HIRA: variants seen among roughly 807,000 people sequenced by gnomAD.
The protein encoded by HIRA is histone cell cycle regulator.
A neutral mutation model predicts 126.6 loss-of-function variants in HIRA; 13 were observed. The observed-to-expected ratio is 0.10, with a 90% CI of 0.07 to 0.16. The LOEUF (loss-of-function observed/expected upper bound fraction) is 0.16. Among genes scored for constraint, HIRA ranks in the 10% least tolerant of loss-of-function variants. The pLI, the probability that HIRA is intolerant of heterozygous loss-of-function variation, is 1.00. For synonymous variants in HIRA, 511 were observed against 520.0 expected (o/e 0.98, Z 0.24); for missense variants, 834 against 1,314.4 (o/e 0.63, Z 5.65).
intron 9 of HIRA, among the ~76,000 whole-genome samples, chr22:19,389,167 T>G (rs1490015305): frequency 6.6e-6 from 1 of 152,238 alleles, no homozygotes; most frequent in African/African-American, 2.4e-5. Flanking sequence ...AGAATTTATT[T>G]TATTCTTCAT....
rs952059563 is a variant in HIRA, at chr22:19,408,390, G to A, written c.211+93C>T. ...CAGCAGGCCGAGGGGAGTTACCGCC[G>A]CACGGGGCCTTATCTTTCTAATTAC... On this transcript the variant is annotated intron_variant, in intron 3 of 24. Coordinates refer to ENST00000263208, the MANE Select transcript of HIRA (RefSeq NM_003325.4). 7 of 787,894 alleles carry A rather than the reference G, an allele frequency of 8.9e-6. No homozygotes were observed. In the Admixed American group the frequency reaches 9.3e-5, roughly 10 times the overall value. The allele number at this position is 787,894 out of a possible 1,614,324, so 48.8% of individuals were successfully genotyped here.
chr22:19,422,169 T>TATACAC (rs775789656), intron 1 of HIRA, among the ~76,000 whole-genome samples: 1 of 111,584 alleles, frequency 9.0e-6, no homozygotes, highest in Non-Finnish European at 2.1e-5. Flanking sequence ...TGTGTTTATA[T>TATACAC]ATACACACAC....
rs782296692 is a variant in HIRA at position 19,340,558 on chromosome 22, G to A, written c.2938-9002C>T. ...AAAGAAATAAAGGGCATCCAAATAT[G>A]TAAAGGGGAAGTCAAAATATCGCTG... On this transcript the variant is annotated intron_variant, in intron 24 of 24. Transcript: ENST00000263208. Among the ~76,000 whole-genome samples, 17 of 152,218 alleles carry A rather than the reference G, an allele frequency of 1.1e-4. No individual in the cohort carries two copies. In the South Asian group the frequency reaches 2.9e-3, roughly 26 times the overall value.
At chr22:19,347,997 C>T (rs568681800) in intron 24 of HIRA, among the ~76,000 whole-genome samples, 1 of 152,178 alleles carries the variant, frequency 6.6e-6, no homozygotes, top group Admixed American at 6.5e-5. Context: ...ATAGCAGGGG[C>T]TAGGGCCCTG....
chr22:19,377,656 ACT>A (rs1209079163), intron 14 of HIRA, among the ~76,000 whole-genome samples: 2 of 152,014 alleles, frequency 1.3e-5, no homozygotes, highest in African/African-American at 2.4e-5. Flanking sequence ...GCCTTGATAC[ACT>A]CTGTGAAATC....
At chr22:19,343,485 C>T (rs1489483281) in intron 24 of HIRA, among the ~76,000 whole-genome samples, 1 of 152,094 alleles carries the variant, frequency 6.6e-6, no homozygotes. Context: ...CCCACTTGAG[C>T]CTGGGAGGTG....
intron 8 of HIRA, among the ~76,000 whole-genome samples, chr22:19,392,506 T>A (rs1030652887): frequency 1.2e-4 from 18 of 152,200 alleles, no homozygotes; most frequent in Admixed American, 1.1e-3. Context: ...GTAGAAGGGA[T>A]GCGTAGCTAC....
chr22:19,364,404 G>GT (rs1028823887), intron 15 of HIRA, among the ~76,000 whole-genome samples: 18 of 151,992 alleles, frequency 1.2e-4, no homozygotes, highest in South Asian at 2.1e-4. Flanking sequence ...CAGAGACTAT[G>GT]TTTTTTTTAC....
At chr22:19,334,601 A>T (rs2088541928) in intron 24 of HIRA, among the ~76,000 whole-genome samples, 5 of 151,510 alleles carry the variant, frequency 3.3e-5, no homozygotes, top group African/African-American at 1.2e-4. Context: ...AGTCTGGCCA[A>T]CATGGCGAAA....
At chr22:19,333,936 C>CT (rs1281487881) in intron 24 of HIRA, among the ~76,000 whole-genome samples, 1 of 151,828 alleles carries the variant, frequency 6.6e-6, no homozygotes, top group East Asian at 1.9e-4. Context: ...CTGTTTAGCT[C>CT]TTTTTTTGGA....
In HIRA at chr22:19,394,333, G is replaced by T. The variant is rs2089206238; in HGVS notation, c.822+9C>A. On this transcript the variant is annotated intron_variant, in intron 8 of 24. Coordinates refer to ENST00000263208, the MANE Select transcript of HIRA (RefSeq NM_003325.4). ...GAGCCCATCTCCCTTTAGTTCCCTGGGCACTCACCACGACAGTCACAGCTT... is the reference window on the plus strand; with the variant it reads ...GAGCCCATCTCCCTTTAGTTCCCTGTGCACTCACCACGACAGTCACAGCTT... The T allele has an allele frequency of 1.2e-6, 2 of 1,613,704 alleles. No individual in the cohort carries two copies. The highest frequency in any genetic ancestry group is 1.7e-6 in the Non-Finnish European group (2 of 1,179,784).
At chr22:19,389,330 C>A (rs1284551316) in intron 9 of HIRA, among the ~76,000 whole-genome samples, 3 of 152,166 alleles carry the variant, frequency 2.0e-5, no homozygotes, top group Non-Finnish European at 4.4e-5. Flanking sequence ...GTTCCCACAA[C>A]TATGGTAGGC....
Position 19,427,970 on chromosome 22 carries a change from G to A in HIRA, c.37+3470C>T, listed in dbSNP as rs111627574. ...TAGAGAATACTGTATCCAAGAACAC[G>A]AAGTAAAATGTGTATGTATGAACAA... On this transcript the variant is annotated intron_variant, in intron 1 of 24. Coordinates refer to ENST00000263208, the MANE Select transcript of HIRA (RefSeq NM_003325.4). Among the ~76,000 whole-genome samples, 145 of 152,258 alleles carry A rather than the reference G, an allele frequency of 9.5e-4. 1 individual carries two copies. The highest frequency in any genetic ancestry group is 3.3e-3 in the African/African-American group (135 of 41,530).
At chr22:19,414,906 AAT>A (rs1601856141) in intron 1 of HIRA, among the ~76,000 whole-genome samples, 1 of 151,856 alleles carries the variant, frequency 6.6e-6, no homozygotes, top group African/African-American at 2.4e-5. Flanking sequence ...CAAAACAAAA[AAT>A]ATATAAGGTG....
At chr22:19,424,520 C>T (rs2089474158) in intron 1 of HIRA, among the ~76,000 whole-genome samples, 1 of 152,228 alleles carries the variant, frequency 6.6e-6, no homozygotes. Context: ...AGAGGACAAG[C>T]TCCAGGGACC....
rs1556012836 is a variant in HIRA, at chr22:19,357,031, C to G, written c.2255G>C (p.Cys752Ser). ...AGSCDVVCVA[C>S]EKRMLSVFST... Reference sequence around the variant, plus strand: ...GAACACTGACAGCATCCTTTTTTCACAGGCGACACACACCACGTCACTGAG... The same window carrying G: ...GAACACTGACAGCATCCTTTTTTCAGAGGCGACACACACCACGTCACTGAG... Residue 752 changes from cysteine to serine, a missense_variant, in exon 19 of 25, where the codon TGT becomes TCT. Transcript: ENST00000263208. The G allele has an allele frequency of 3.7e-6, 6 of 1,614,084 alleles. No homozygotes were observed. The highest frequency in any genetic ancestry group is 5.1e-6 in the Non-Finnish European group (6 of 1,180,016).
intron 8 of HIRA, among the ~76,000 whole-genome samples, chr22:19,393,324 T>A (rs1157672857): frequency 1.3e-5 from 2 of 152,232 alleles, no homozygotes; most frequent in Non-Finnish European, 2.9e-5. Flanking sequence ...ATAAAATTTG[T>A]GTTTTAAGGT....
intron 21 of HIRA, among the ~76,000 whole-genome samples, chr22:19,354,418 C>G (rs976981885): frequency 6.6e-6 from 1 of 152,232 alleles, no homozygotes. Flanking sequence ...CTGCAGGCCT[C>G]TGTGTGCAGT....
chr22:19,379,817 C>T (rs1418207843), intron 13 of HIRA, among the ~76,000 whole-genome samples: 1 of 151,794 alleles, frequency 6.6e-6, no homozygotes, highest in Non-Finnish European at 1.5e-5. Context: ...CTATTTATGG[C>T]CTTTTTTTTT....
Sources: gnomAD v4.1 joint callset for allele counts (sites outside exome capture counted in the v4.1 genomes callset) on GRCh38, gnomAD v4.1.1 for gene constraint, MANE v1.5 for transcripts, NCBI Gene and HGNC (gene_info 2026-07-23, HGNC 2026-07-21) for gene names.